Variants in SLCO1B3 observed in about 807,000 individuals in gnomAD.
SLCO1B3 encodes liver-specific organic anion transporter 2.
SLCO1B3 carries 72 observed loss-of-function variants against 71.8 expected under a neutral mutation model. That is an observed-to-expected ratio of 1.00 (90% CI 0.83 to 1.22). The LOEUF is 1.22. Among genes scored for constraint, SLCO1B3 ranks in the 50% most tolerant of loss-of-function variants. The pLI is 0.00. For missense variants in SLCO1B3, 911 were observed against 819.7 expected, an observed-to-expected ratio of 1.11 and a Z score of -1.36; for synonymous variants, 298 against 278.4, an observed-to-expected ratio of 1.07 and a Z score of -0.70.
At chr12:20,843,956 C>G (rs918901109) in intron 3 of SLCO1B3, among the ~76,000 whole-genome samples, 7 of 151,996 alleles carry the variant, frequency 4.6e-5, no homozygotes, top group African/African-American at 1.7e-4. Context: ...AACAGGCACT[C>G]TCAATCTGAG....
chr12:20,870,684 T>A (rs1865459181), intron 8 of SLCO1B3, among the ~76,000 whole-genome samples: 1 of 152,188 alleles, frequency 6.6e-6, no homozygotes, highest in African/African-American at 2.4e-5. Context: ...GGTCTACATA[T>A]CTATCTTTAT....
chr12:20,833,772 TATC>T (rs765337577), intron 3 of SLCO1B3, among the ~76,000 whole-genome samples: 157 of 147,176 alleles, frequency 1.1e-3, no homozygotes, highest in Non-Finnish European at 1.8e-3. Context: ...ATATGTAGTT[TATC>T]ATCTATCTCT....
chr12:20,880,772 C>T, intron 11 of SLCO1B3, 83 bp from the exon 12 acceptor site: 6 of 879,812 alleles, frequency 6.8e-6, no homozygotes, highest in Non-Finnish European at 1.0e-5. Context: ...TTTCCCCTCT[C>T]CTTATCCCCT....
At position 20,861,112 on chromosome 12, in the gene SLCO1B3, G is replaced by T; in HGVS notation, c.455G>T (p.Gly152Val). The T allele has an allele frequency of 6.3e-7, 1 of 1,594,560 alleles. No homozygotes were observed. The highest frequency in any genetic ancestry group is 1.1e-5 in the South Asian group (1 of 87,130). Residue 152 changes from glycine to valine, a missense_variant, in exon 6 of 16, where the codon GGA becomes GTA. Transcript: ENST00000381545. Reference sequence around the variant, plus strand: ...ATTAATCAAACCTTATCATTCAATGGAACATCACCTGAGATAGTAGAAAAA... The same window carrying T: ...ATTAATCAAACCTTATCATTCAATGTAACATCACCTGAGATAGTAGAAAAA... ...CLINQTLSFN[G>V]TSPEIVEKDC...
At chr12:20,855,299 T>C in intron 4 of SLCO1B3, 130 bp downstream of exon 4, 1 of 769,044 alleles carries the variant, frequency 1.3e-6, no homozygotes, top group Non-Finnish European at 2.0e-6. Flanking sequence ...TGGCAATATG[T>C]TAGGATATTT....
At chr12:20,872,255 G>T (rs1865489432) in intron 8 of SLCO1B3, among the ~76,000 whole-genome samples, 2 of 151,714 alleles carry the variant, frequency 1.3e-5, no homozygotes, top group South Asian at 4.2e-4. Context: ...TATGAATGCT[G>T]CCAGGTCTCA....
intron 3 of SLCO1B3, among the ~76,000 whole-genome samples, chr12:20,846,147 C>T (rs975656): frequency 0.72 from 109,525 of 151,414 alleles, 42,160 homozygotes; most frequent in South Asian, 0.9. Context: ...TGGTAACATT[C>T]ACTATATTTT....
chr12:20,840,718 T>C (rs1345214224), intron 3 of SLCO1B3, among the ~76,000 whole-genome samples: 1 of 152,152 alleles, frequency 6.6e-6, no homozygotes, highest in East Asian at 1.9e-4. Context: ...TGGGCTGTAA[T>C]TGAATATTTC....
intron 4 of SLCO1B3, among the ~76,000 whole-genome samples, chr12:20,857,280 C>CT (rs1480644563): frequency 1.3e-5 from 2 of 152,068 alleles, no homozygotes; most frequent in African/African-American, 2.4e-5. Context: ...AACGTAGGAA[C>CT]TTTCATATGA....
At chr12:20,863,715 AATTG>A (rs1865317865) in intron 8 of SLCO1B3, among the ~76,000 whole-genome samples, 1 of 152,210 alleles carries the variant, frequency 6.6e-6, no homozygotes, top group East Asian at 1.9e-4. Flanking sequence ...ACAACTTTCC[AATTG>A]ATTAACTGTT....
chr12:20,908,889 C>G (rs1866309116), intron 15 of SLCO1B3, among the ~76,000 whole-genome samples: 2 of 152,158 alleles, frequency 1.3e-5, no homozygotes, highest in African/African-American at 4.8e-5. Flanking sequence ...GTCTCAACTT[C>G]TTTGTGTCAA....
chr12:20,898,494 A>C lies in SLCO1B3; in HGVS notation c.1741A>C (p.Thr581Pro), dbSNP rs779952599. 1 of 1,541,996 alleles carries C rather than the reference A, an allele frequency of 6.5e-7. No homozygotes were observed. Among genetic ancestry groups the C allele is most frequent in the Admixed American group, 1.7e-5 (1 of 59,320 alleles). Residue 581 changes from threonine to proline, a missense_variant, in exon 14 of 16, where the codon ACA becomes CCA. Coordinates refer to ENST00000381545, the MANE Select transcript of SLCO1B3 (RefSeq NM_019844.4). ...AMGFQSMVIRTLGGILAPIYF... is the reference protein window; with the variant it reads ...AMGFQSMVIRPLGGILAPIYF... Reference sequence around the variant, plus strand: ...GGGTTTCCAGTCAATGGTTATAAGAACACTAGGTATGACAAATATATAGAT... The same window carrying C: ...GGGTTTCCAGTCAATGGTTATAAGACCACTAGGTATGACAAATATATAGAT...
At chr12:20,871,614 A>G (rs567467401) in intron 8 of SLCO1B3, among the ~76,000 whole-genome samples, 1 of 152,192 alleles carries the variant, frequency 6.6e-6, no homozygotes, top group African/African-American at 2.4e-5. Context: ...TGTGGTTTTT[A>G]CAGTCTTAGA....
rs990122581 is a variant in SLCO1B3, at chr12:20,878,348, A to G, written c.1135+412A>G. ...CTCAGCTACTTACAAAAGACATAAT[A>G]TTAATCTTTTCAGAAGGAGAATCAA... On this transcript the variant is annotated intron_variant, in intron 10 of 15. Coordinates refer to ENST00000381545, the MANE Select transcript of SLCO1B3 (RefSeq NM_019844.4). Among the ~76,000 whole-genome samples, 77 of 152,252 alleles carry G rather than the reference A, an allele frequency of 5.1e-4. 1 individual carries two copies. In the Middle Eastern group the frequency reaches 0.01, roughly 20 times the overall value.
Position 20,881,030 on chromosome 12 carries a change from A to C in SLCO1B3, c.1497+10A>C, listed in dbSNP as rs758058223. ...TATTAAAAAGCATACAGTGAGTATTAGTTTTCACTTTTTCTCCTCTCCTTA... is the reference window on the plus strand; with the variant it reads ...TATTAAAAAGCATACAGTGAGTATTCGTTTTCACTTTTTCTCCTCTCCTTA... On this transcript the variant is annotated intron_variant, in intron 12 of 15. Transcript: ENST00000381545. The C allele has an allele frequency of 1.3e-6, 2 of 1,570,616 alleles. No homozygotes were observed. The highest frequency in any genetic ancestry group is 1.4e-5 in the African/African-American group (1 of 72,854).
At chr12:20,884,323 AT>A (rs1196256708) in intron 13 of SLCO1B3, among the ~76,000 whole-genome samples, 1 of 152,228 alleles carries the variant, frequency 6.6e-6, no homozygotes, top group African/African-American at 2.4e-5. Flanking sequence ...AATTAAAGGA[AT>A]AAAAAGAGAA....
At chr12:20,909,766 A>G (rs11045593) in intron 15 of SLCO1B3, among the ~76,000 whole-genome samples, 4,716 of 152,182 alleles carry the variant, frequency 0.031, 200 homozygotes, top group East Asian at 0.098. Flanking sequence ...ACAGGAGTGC[A>G]GTGGCACCTT....
At chr12:20,847,872 A>T (rs570960027) in intron 3 of SLCO1B3, among the ~76,000 whole-genome samples, 1 of 152,192 alleles carries the variant, frequency 6.6e-6, no homozygotes, top group Non-Finnish European at 1.5e-5. Context: ...GATGAAAGAC[A>T]TAAATCTCAA....
intron 3 of SLCO1B3, among the ~76,000 whole-genome samples, chr12:20,841,126 T>C (rs917698603): frequency 5.9e-5 from 9 of 152,214 alleles, no homozygotes; most frequent in African/African-American, 2.2e-4. Context: ...CTGGTTTTTG[T>C]TATGAGTTTC....
Sources: allele counts gnomAD v4.1 joint callset (sites outside exome capture counted in the v4.1 genomes callset), GRCh38; gene constraint gnomAD v4.1.1; transcripts MANE v1.5; gene names NCBI Gene and HGNC (gene_info 2026-07-23, HGNC 2026-07-21).